The following RBMS3 variants were observed in gnomAD, a reference collection of about 807,000 sequenced individuals.
The protein encoded by RBMS3 is RNA-binding motif, single-stranded-interacting protein 3.
RBMS3 carries 27 observed loss-of-function variants against 66.8 expected under a neutral mutation model. That is an observed-to-expected ratio of 0.40 (90% CI 0.30 to 0.56). RBMS3 has a LOEUF of 0.56. Ranked by LOEUF, RBMS3 falls within the 20% of genes least tolerant of loss-of-function variation. RBMS3 has a pLI of 0.40. For synonymous variants in RBMS3, 188 were observed against 183.0 expected, an observed-to-expected ratio of 1.03 and a Z score of -0.22; for missense variants, 513 against 549.5, an observed-to-expected ratio of 0.93 and a Z score of 0.66.
chr3:29,862,625 G>A (rs1322716323), intron 6 of RBMS3, among the ~76,000 whole-genome samples: 2 of 152,034 alleles, frequency 1.3e-5, no homozygotes, highest in East Asian at 1.9e-4. Context: ...GTGTGCATGT[G>A]TGGTGGGGGC....
At chr3:29,315,176 T>C (rs1399510408) in intron 1 of RBMS3, among the ~76,000 whole-genome samples, 1 of 151,850 alleles carries the variant, frequency 6.6e-6, no homozygotes, top group Non-Finnish European at 1.5e-5. Context: ...TAAGCTTTCA[T>C]CTAATAACTT....
chr3:29,572,445 A>G (rs987771012), intron 3 of RBMS3, among the ~76,000 whole-genome samples: 3 of 152,130 alleles, frequency 2.0e-5, no homozygotes, highest in African/African-American at 7.2e-5. Context: ...TGCTCTGTCT[A>G]TACCTAGTTT....
intron 6 of RBMS3, among the ~76,000 whole-genome samples, chr3:29,819,565 T>A (rs950144993): frequency 3.9e-5 from 6 of 152,210 alleles, no homozygotes; most frequent in African/African-American, 1.2e-4. Flanking sequence ...GGATCTAGCC[T>A]CTTCATTTCA....
intron 12 of RBMS3, among the ~76,000 whole-genome samples, chr3:29,984,664 GC>G (rs1417172784): frequency 6.6e-6 from 1 of 152,126 alleles, no homozygotes; most frequent in East Asian, 1.9e-4. Flanking sequence ...TAACAGTCAA[GC>G]CCCTCTGCTG....
intron 5 of RBMS3, among the ~76,000 whole-genome samples, chr3:29,754,121 T>G (rs994433224): frequency 6.6e-6 from 1 of 151,888 alleles, no homozygotes; most frequent in African/African-American, 2.4e-5. Context: ...CCATGCCTAA[T>G]TTTTGTATTT....
At chr3:29,790,453 G>C (rs1046833022) in intron 6 of RBMS3, among the ~76,000 whole-genome samples, 2 of 152,114 alleles carry the variant, frequency 1.3e-5, no homozygotes, top group African/African-American at 2.4e-5. Context: ...AATTTTCAAA[G>C]AGCATGATTC....
intron 4 of RBMS3, among the ~76,000 whole-genome samples, chr3:29,706,623 A>C (rs1309638454): frequency 6.6e-6 from 1 of 152,214 alleles, no homozygotes; most frequent in Admixed American, 6.5e-5. Context: ...GAAACTCTTC[A>C]GGGAGAACAA....
intron 3 of RBMS3, among the ~76,000 whole-genome samples, chr3:29,509,836 C>T (rs2044328311): frequency 6.6e-6 from 1 of 152,230 alleles, no homozygotes; most frequent in Non-Finnish European, 1.5e-5. Flanking sequence ...TTCAGAACAA[C>T]AACAAAGGAC....
intron 6 of RBMS3, among the ~76,000 whole-genome samples, chr3:29,803,285 G>A (rs747077509): frequency 2.2e-4 from 33 of 152,108 alleles, no homozygotes; most frequent in Middle Eastern, 6.8e-3. Flanking sequence ...AATAACCCGC[G>A]GCTATGCTTA....
chr3:29,831,797 C>G (rs2888161), intron 6 of RBMS3, among the ~76,000 whole-genome samples: 13 of 151,914 alleles, frequency 8.6e-5, no homozygotes, highest in African/African-American at 2.9e-4. Context: ...ATTTTAAGTT[C>G]TATAGGATTT....
At chr3:29,622,091 A>C (rs1477446447) in intron 4 of RBMS3, among the ~76,000 whole-genome samples, 2 of 152,184 alleles carry the variant, frequency 1.3e-5, no homozygotes, top group African/African-American at 4.8e-5. Context: ...TCCAGCTCTA[A>C]AATTTCATGG....
intron 1 of RBMS3, among the ~76,000 whole-genome samples, chr3:29,392,039 C>A (rs1394003634): frequency 6.6e-6 from 1 of 152,050 alleles, no homozygotes; most frequent in Non-Finnish European, 1.5e-5. Flanking sequence ...CACTTGAGGT[C>A]AGGAGTTCAA....
chr3:29,751,061 T>C (rs886654909), intron 5 of RBMS3, among the ~76,000 whole-genome samples: 39 of 152,100 alleles, frequency 2.6e-4, no homozygotes, highest in African/African-American at 8.2e-4. Flanking sequence ...GAAAGCAAAA[T>C]TTTTTATTAT....
At chr3:29,635,552 G>A (rs2049443949) in intron 4 of RBMS3, among the ~76,000 whole-genome samples, 1 of 151,820 alleles carries the variant, frequency 6.6e-6, no homozygotes. Context: ...TACATCTCCT[G>A]GTTGTTCTCC....
At chr3:29,625,062 G>C (rs9815169) in intron 4 of RBMS3, among the ~76,000 whole-genome samples, 9,987 of 152,062 alleles carry the variant, frequency 0.066, 633 homozygotes, top group East Asian at 0.34. Flanking sequence ...GTGTTTGGCT[G>C]TTCCCCACTC....
chr3:29,660,211 C>A (rs1432891031), intron 4 of RBMS3, among the ~76,000 whole-genome samples: 1 of 151,948 alleles, frequency 6.6e-6, no homozygotes, highest in African/African-American at 2.4e-5. Context: ...TTTTTTACTT[C>A]ATATATTTGA....
intron 2 of RBMS3, among the ~76,000 whole-genome samples, chr3:29,476,556 G>A (rs1293766773): frequency 6.6e-6 from 1 of 152,168 alleles, no homozygotes; most frequent in Non-Finnish European, 1.5e-5. Flanking sequence ...CTTTTGGAGT[G>A]ACAAATAACA....
rs147198360 is a variant in RBMS3 at position 29,834,993 on chromosome 3, A to G, written c.638-33865A>G. Among the ~76,000 whole-genome samples, 262 of 152,164 alleles carry G rather than the reference A, an allele frequency of 1.7e-3. 2 individuals are homozygous for G. The highest frequency in any genetic ancestry group is 6.0e-3 in the African/African-American group (249 of 41,574). ...AAAGAGCAGGAGTAGTTATATTTCT[A>G]TCAGACAAAATGGACTTTTAAGTAA... On this transcript the variant is annotated intron_variant, in intron 6 of 14. Transcript: ENST00000383767.
At chr3:29,922,493 C>CAAAA (rs68121692) in intron 10 of RBMS3, among the ~76,000 whole-genome samples, 4 of 99,070 alleles carry the variant, frequency 4.0e-5, no homozygotes, top group Non-Finnish European at 6.3e-5. Flanking sequence ...GACTCCGTCT[C>CAAAA]AAAAAAAAAA....
Sources: allele counts gnomAD v4.1 joint callset (sites outside exome capture counted in the v4.1 genomes callset), GRCh38; gene constraint gnomAD v4.1.1; transcripts MANE v1.5; gene names NCBI Gene and HGNC (gene_info 2026-07-23, HGNC 2026-07-21).